The following EFNB3 variants were observed in gnomAD, a reference collection of about 807,000 sequenced individuals.
EFNB3 encodes ephrin-B3.
In EFNB3, 14 loss-of-function variants were observed where a neutral mutation model predicts 29.8. That is an observed-to-expected ratio of 0.47 (90% CI 0.31 to 0.73). The LOEUF (loss-of-function observed/expected upper bound fraction) is 0.73, where lower values mean the gene tolerates loss of function less well. Ranked by LOEUF, EFNB3 falls within the 30% of genes least tolerant of loss-of-function variation. The pLI is 0.05. For synonymous variants in EFNB3, 216 were observed against 191.6 expected (o/e 1.13, Z -1.05); for missense variants, 408 against 458.0 (o/e 0.89, Z 1.00).
Position 7,708,781 on chromosome 17 carries a change from C to T in EFNB3, c.613+42C>T. 6.7e-7 allele frequency: 1 copy of T among 1,490,478 alleles called. No homozygotes were observed. The highest frequency in any genetic ancestry group is 2.2e-4 in the Middle Eastern group (1 of 4,482). 92.3% of individuals were successfully genotyped at this position (1,490,478 alleles called of 1,614,324 possible). ...AGGCCCCTGCCTTCCCCAGCTTCCT[C>T]TGCTCTCAGACCCCAGCTGCCCTGC... On this transcript the variant is annotated intron_variant, in intron 4 of 4. Transcript: ENST00000226091. This position sits in a 1 kb window ranked among gnomAD's most constrained non-coding sequence, Gnocchi z 6.8.
rs377337552 is a variant in EFNB3 at position 7,708,758 on chromosome 17, G to A, written c.613+19G>A. 4.5e-4 allele frequency: 692 copies of A among 1,524,574 alleles called. 1 individual carries two copies. The Middle Eastern group carries it at 5.4e-3, about 12-fold the overall frequency. 94.4% of individuals were successfully genotyped at this position (1,524,574 alleles called of 1,614,324 possible). ...CTGCCAGGTAGGAACCAGGGGCTAGGCCCCTGCCTTCCCCAGCTTCCTCTG... is the reference window on the plus strand; with the variant it reads ...CTGCCAGGTAGGAACCAGGGGCTAGACCCCTGCCTTCCCCAGCTTCCTCTG... On this transcript the variant is annotated intron_variant, in intron 4 of 4. Transcript: ENST00000226091. This position sits in a 1 kb window ranked among gnomAD's most constrained non-coding sequence, Gnocchi z 6.8.
In EFNB3 at chr17:7,705,780, G is replaced by A. The variant is rs1378517319; in HGVS notation, c.122+60G>A. Reference sequence around the variant, plus strand: ...TAGGGCAGTGGGTAGGGAAGCTCTGGGGGCTTGGAGGCGGGCTTCTGTGGG... The same window carrying A: ...TAGGGCAGTGGGTAGGGAAGCTCTGAGGGCTTGGAGGCGGGCTTCTGTGGG... On this transcript the variant is annotated intron_variant, in intron 1 of 4. Coordinates refer to ENST00000226091, the MANE Select transcript of EFNB3 (RefSeq NM_001406.4). This position sits in a 1 kb window ranked among gnomAD's most constrained non-coding sequence, Gnocchi z 5.4. 1 of 1,509,574 alleles carries A rather than the reference G, an allele frequency of 6.6e-7. No homozygotes were observed. The highest frequency in any genetic ancestry group is 1.5e-5 in the African/African-American group (1 of 68,210). The allele number at this position is 1,509,574 out of a possible 1,614,324, so 93.5% of individuals were successfully genotyped here. A position where few individuals can be genotyped will look rare whatever the true frequency, so the allele number is the denominator to read the frequency against.
chr17:7,709,746 C>A lies in EFNB3; in HGVS notation c.*170C>A. On this transcript the variant is annotated 3_prime_UTR_variant, in exon 5 of 5. Transcript: ENST00000226091. This position sits in a 1 kb window ranked among gnomAD's most constrained non-coding sequence, Gnocchi z 4.5. The stretch of plus-strand genomic sequence containing the variant: ...CCACTTTTAGGATTCCTTAGGATTC[C>A]CACTGCCCCACTTCCTGCCCTCCCG... The A allele has an allele frequency of 1.4e-6, 1 of 721,580 alleles. No individual in the cohort carries two copies. Among genetic ancestry groups the A allele is most frequent in the South Asian group, 1.6e-5 (1 of 62,556 alleles). 44.7% of individuals were successfully genotyped at this position (721,580 alleles called of 1,614,324 possible). A position where few individuals can be genotyped will look rare whatever the true frequency, so the allele number is the denominator to read the frequency against.
chr17:7,705,563 G>C lies in EFNB3; in HGVS notation c.-36G>C, dbSNP rs756603460. 1.6e-6 allele frequency: 2 copies of C among 1,277,418 alleles called. No homozygotes were observed. Among genetic ancestry groups the C allele is most frequent in the Non-Finnish European group, 2.1e-6 (2 of 961,516 alleles). 79.1% of individuals were successfully genotyped at this position (1,277,418 alleles called of 1,614,324 possible). A position where few individuals can be genotyped will look rare whatever the true frequency, so the allele number is the denominator to read the frequency against. ...CCCCGGGGGGTGGGCGACTTTGGGG[G>C]AGTTGGTGCCCCGCCCCCCAGGCCT... is the stretch of plus-strand genomic sequence containing the variant. On this transcript the variant is annotated 5_prime_UTR_variant, in exon 1 of 5. Coordinates refer to ENST00000226091, the MANE Select transcript of EFNB3 (RefSeq NM_001406.4). The surrounding 1 kb of genome is among the most constrained non-coding windows in gnomAD (Gnocchi z 5.4).
Position 7,709,659 on chromosome 17 carries a change from T to C in EFNB3, c.*83T>C. Reference sequence around the variant, plus strand: ...TAATTCCTGGTTTGAGGGACACCTCTAACATCTCGGCCCCCTGTGCCCCCC... The same window carrying C: ...TAATTCCTGGTTTGAGGGACACCTCCAACATCTCGGCCCCCTGTGCCCCCC... On this transcript the variant is annotated 3_prime_UTR_variant, in exon 5 of 5. Transcript: ENST00000226091. The surrounding 1 kb of genome is among the most constrained non-coding windows in gnomAD (Gnocchi z 4.5). 1 of 1,507,182 alleles carries C rather than the reference T, an allele frequency of 6.6e-7. No individual in the cohort carries two copies. Among genetic ancestry groups the C allele is most frequent in the Non-Finnish European group, 9.1e-7 (1 of 1,097,418 alleles). 93.4% of individuals were successfully genotyped at this position (1,507,182 alleles called of 1,614,324 possible).
At chr17:7,706,281 C>T (rs557881939) in intron 1 of EFNB3, among the ~76,000 whole-genome samples, 3 of 151,840 alleles carry the variant, frequency 2.0e-5, no homozygotes, top group Non-Finnish European at 2.9e-5. Flanking sequence ...GTTGGCTGAA[C>T]GATTTCCCAG....
At position 7,709,731 on chromosome 17, in the gene EFNB3, G is replaced by A. The variant is rs1421231181; in HGVS notation, c.*155G>A. ...CTGCTGTCCTCGTCTCCACTTTTAG[G>A]ATTCCTTAGGATTCCCACTGCCCCA... On this transcript the variant is annotated 3_prime_UTR_variant, in exon 5 of 5. Transcript: ENST00000226091. The surrounding 1 kb of genome is among the most constrained non-coding windows in gnomAD (Gnocchi z 4.5). 1 of 772,556 alleles carries A rather than the reference G, an allele frequency of 1.3e-6. No individual in the cohort carries two copies. The highest frequency in any genetic ancestry group is 2.7e-5 in the East Asian group (1 of 36,878). The allele number at this position is 772,556 out of a possible 1,614,324, so 47.9% of individuals were successfully genotyped here. A position where few individuals can be genotyped will look rare whatever the true frequency, so the allele number is the denominator to read the frequency against.
At chr17:7,707,196 G>A (rs1325458224) in intron 1 of EFNB3, among the ~76,000 whole-genome samples, 2 of 152,160 alleles carry the variant, frequency 1.3e-5, no homozygotes, top group Non-Finnish European at 2.9e-5. Flanking sequence ...GGCTGTGCTG[G>A]GACAGTGGAT....
chr17:7,709,641 T>C lies in EFNB3; in HGVS notation c.*65T>C. 6.3e-7 allele frequency: 1 copy of C among 1,596,142 alleles called. No individual in the cohort carries two copies. The highest frequency in any genetic ancestry group is 8.6e-7 in the Non-Finnish European group (1 of 1,168,262). Reference sequence around the variant, plus strand: ...TGGGGTGCTCCTCCAGTTTAATTCCTGGTTTGAGGGACACCTCTAACATCT... The same window carrying C: ...TGGGGTGCTCCTCCAGTTTAATTCCCGGTTTGAGGGACACCTCTAACATCT... On this transcript the variant is annotated 3_prime_UTR_variant, in exon 5 of 5. Coordinates refer to ENST00000226091, the MANE Select transcript of EFNB3 (RefSeq NM_001406.4). The surrounding 1 kb of genome is among the most constrained non-coding windows in gnomAD (Gnocchi z 4.5).
At chr17:7,707,234 T>C (rs2074330507) in intron 1 of EFNB3, among the ~76,000 whole-genome samples, 4 of 152,146 alleles carry the variant, frequency 2.6e-5, no homozygotes, top group African/African-American at 9.7e-5. Context: ...AAGGAGATGG[T>C]GAAGTGTGTT....
chr17:7,709,543 C>A lies in EFNB3; in HGVS notation c.990C>A (p.Pro330=), dbSNP rs17854241. ...TGTATATCGTGCAGGATGGGCCCCC[C>A]CAGAGCCCTCCAAACATCTACTACA... ...HPVYIVQDGP[P]QSPPNIYYKV Residue 330 remains proline (P), a synonymous_variant, in exon 5 of 5, where the codon CCC becomes CCA. Coordinates refer to ENST00000226091, the MANE Select transcript of EFNB3 (RefSeq NM_001406.4). This position sits in a 1 kb window ranked among gnomAD's most constrained non-coding sequence, Gnocchi z 4.5. The A allele has an allele frequency of 6.2e-7, 1 of 1,613,930 alleles. No individual in the cohort carries two copies.
At position 7,705,470 on chromosome 17, in the gene EFNB3, G is replaced by T. The variant is rs901617587; in HGVS notation, c.-129G>T. ...CGCGGGCACAGCAGGAAGCAGGTCCGCGTGGGCGCTGGGGGCATCAGCTAC... is the reference window on the plus strand; with the variant it reads ...CGCGGGCACAGCAGGAAGCAGGTCCTCGTGGGCGCTGGGGGCATCAGCTAC... On this transcript the variant is annotated 5_prime_UTR_variant, in exon 1 of 5. Coordinates refer to ENST00000226091, the MANE Select transcript of EFNB3 (RefSeq NM_001406.4). The surrounding 1 kb of genome is among the most constrained non-coding windows in gnomAD (Gnocchi z 5.4). The T allele has an allele frequency of 8.6e-5, 46 of 532,250 alleles. No homozygotes were observed. In the East Asian group the frequency reaches 1.3e-3, roughly 15 times the overall value. 33.0% of individuals were successfully genotyped at this position (532,250 alleles called of 1,614,324 possible).
chr17:7,705,887 G>A lies in EFNB3; in HGVS notation c.122+167G>A, dbSNP rs905051232. 9.9e-5 allele frequency among the ~76,000 whole-genome samples: 15 copies of A among 151,766 alleles called. No homozygotes were observed. Among genetic ancestry groups the A allele is most frequent in the Non-Finnish European group, 1.5e-4 (10 of 67,948 alleles). Reference sequence around the variant, plus strand: ...CAGGTGATCTTGGGAGCCAGACTCCGGGTCCCACGCAGAGCTGGATGCGGG... The same window carrying A: ...CAGGTGATCTTGGGAGCCAGACTCCAGGTCCCACGCAGAGCTGGATGCGGG... On this transcript the variant is annotated intron_variant, in intron 1 of 4. Transcript: ENST00000226091. The surrounding 1 kb of genome is among the most constrained non-coding windows in gnomAD (Gnocchi z 5.4).
rs1273838139 is a variant in EFNB3, at chr17:7,708,589, T to C, written c.509-46T>C. The C allele has an allele frequency of 9.4e-6, 15 of 1,589,872 alleles. No homozygotes were observed. The highest frequency in any genetic ancestry group is 1.3e-5 in the Non-Finnish European group (15 of 1,166,936). On this transcript the variant is annotated intron_variant, in intron 3 of 4. Coordinates refer to ENST00000226091, the MANE Select transcript of EFNB3 (RefSeq NM_001406.4). This position sits in a 1 kb window ranked among gnomAD's most constrained non-coding sequence, Gnocchi z 6.8. ...GGACGTTGGGGCAGTACGATCATGG[T>C]TGGGGCAGTTGTCTCAGCCCCTCTC...
chr17:7,706,147 G>A (rs1457228496), intron 1 of EFNB3, among the ~76,000 whole-genome samples: 1 of 149,740 alleles, frequency 6.7e-6, no homozygotes. Flanking sequence ...GAGGGACTGC[G>A]CATCCGAGAT....
chr17:7,708,063 T>C lies in EFNB3; in HGVS notation c.228T>C (p.Tyr76=), dbSNP rs1644377296. The change falls in exon 2 of 5, where the codon TAT becomes TAC. Residue 76 remains tyrosine (Y), a synonymous_variant. Coordinates refer to ENST00000226091, the MANE Select transcript of EFNB3 (RefSeq NM_001406.4). This position sits in a 1 kb window ranked among gnomAD's most constrained non-coding sequence, Gnocchi z 6.8. ...CTGGCCCTCACTCCTCTCCTAATTA[T>C]GAGTTCTACAAGCTGTACCTGGTAG... ...RPPGPHSSPN[Y]EFYKLYLVGG... is the part of the protein sequence containing the mutation. The C allele has an allele frequency of 6.2e-7, 1 of 1,613,862 alleles. No individual in the cohort carries two copies. Among genetic ancestry groups the C allele is most frequent in the African/African-American group, 1.3e-5 (1 of 74,876 alleles).
At position 7,709,669 on chromosome 17, in the gene EFNB3, G is replaced by T; in HGVS notation, c.*93G>T. 7.6e-7 allele frequency: 1 copy of T among 1,315,308 alleles called. No individual in the cohort carries two copies. 81.5% of individuals were successfully genotyped at this position (1,315,308 alleles called of 1,614,324 possible). A position where few individuals can be genotyped will look rare whatever the true frequency, so the allele number is the denominator to read the frequency against. On this transcript the variant is annotated 3_prime_UTR_variant, in exon 5 of 5. Coordinates refer to ENST00000226091, the MANE Select transcript of EFNB3 (RefSeq NM_001406.4). The surrounding 1 kb of genome is among the most constrained non-coding windows in gnomAD (Gnocchi z 4.5). ...TTTGAGGGACACCTCTAACATCTCG[G>T]CCCCCTGTGCCCCCCCAGCCCCTTC...
Position 7,708,329 on chromosome 17 carries a change from G to C in EFNB3, c.415+79G>C. ...GAGGGAGGGGGACCCCTGCAGCCAAGAGGGAGATCCCAGTGCCCTCAGGCA... is the reference window on the plus strand; with the variant it reads ...GAGGGAGGGGGACCCCTGCAGCCAACAGGGAGATCCCAGTGCCCTCAGGCA... On this transcript the variant is annotated intron_variant, in intron 2 of 4. Transcript: ENST00000226091. The surrounding 1 kb of genome is among the most constrained non-coding windows in gnomAD (Gnocchi z 6.8). 6.3e-7 allele frequency: 1 copy of C among 1,583,798 alleles called. No individual in the cohort carries two copies. The highest frequency in any genetic ancestry group is 1.2e-5 in the South Asian group (1 of 85,672).
chr17:7,705,843 T>C lies in EFNB3; in HGVS notation c.122+123T>C. The C allele has an allele frequency of 8.3e-7, 1 of 1,203,744 alleles. No homozygotes were observed. 74.6% of individuals were successfully genotyped at this position (1,203,744 alleles called of 1,614,324 possible). A position where few individuals can be genotyped will look rare whatever the true frequency, so the allele number is the denominator to read the frequency against. On this transcript the variant is annotated intron_variant, in intron 1 of 4. Coordinates refer to ENST00000226091, the MANE Select transcript of EFNB3 (RefSeq NM_001406.4). This position sits in a 1 kb window ranked among gnomAD's most constrained non-coding sequence, Gnocchi z 5.4. ...GGGAGGGAAGGTGCTGGTGCTCTGATGTGTGATGGGTTACTAGACAGGTGA... is the reference window on the plus strand; with the variant it reads ...GGGAGGGAAGGTGCTGGTGCTCTGACGTGTGATGGGTTACTAGACAGGTGA...
Sources: gnomAD v4.1 joint callset for allele counts (sites outside exome capture counted in the v4.1 genomes callset) on GRCh38, gnomAD v4.1.1 for gene constraint, Gnocchi (gnomAD v3.1) non-coding constraint, MANE v1.5 for transcripts, NCBI Gene and HGNC (gene_info 2026-07-23, HGNC 2026-07-21) for gene names.